The following GDI2 variants were observed in gnomAD, a reference collection of about 807,000 sequenced individuals.
The protein encoded by GDI2 is GDP dissociation inhibitor 2.
Under a neutral mutation model 54.2 loss-of-function variants are expected in GDI2, and 22 were observed. The ratio of observed to expected loss-of-function variants is 0.41; its 90% CI spans 0.29 to 0.58. The LOEUF is 0.58. GDI2 is among the 20% of genes least tolerant of loss of function. The probability of loss-of-function intolerance (pLI) is 0.35; values close to 1 mark genes in which losing one functional copy is unlikely to be tolerated. For missense variants in GDI2, 422 were observed against 546.0 expected, an observed-to-expected ratio of 0.77 and a Z score of 2.26; for synonymous variants, 177 against 182.1, an observed-to-expected ratio of 0.97 and a Z score of 0.23.
chr10:5,765,852 T>C lies in GDI2; in HGVS notation c.*154A>G. 2 of 565,320 alleles carry C rather than the reference T, an allele frequency of 3.5e-6. No individual in the cohort carries two copies. The highest frequency in any genetic ancestry group is 3.4e-5 in the Admixed American group (1 of 29,104). 35.0% of individuals were successfully genotyped at this position (565,320 alleles called of 1,614,324 possible). On this transcript the variant is annotated 3_prime_UTR_variant, in exon 11 of 11. Transcript: ENST00000380191. ...TAGCCACTCCATGAAAACAAGTTAA[T>C]AATTAGAAAGGTGAAGGGGAGTATT... is the stretch of plus-strand genomic sequence containing the variant.
rs1840402444 is a variant in GDI2, at chr10:5,768,146, G to T, written c.991+67C>A. 1 of 1,340,540 alleles carries T rather than the reference G, an allele frequency of 7.5e-7. No individual in the cohort carries two copies. The highest frequency in any genetic ancestry group is 1.1e-6 in the Non-Finnish European group (1 of 945,564). The allele number at this position is 1,340,540 out of a possible 1,614,324, so 83.0% of individuals were successfully genotyped here. On this transcript the variant is annotated intron_variant, in intron 8 of 10. Transcript: ENST00000380191. The surrounding 1 kb of genome is among the most constrained non-coding windows in gnomAD (Gnocchi z 4.4). ...TACAGCATACAAAATTAGGAATTTG[G>T]GATAAAACACAAAGCAAATTATATC...
chr10:5,809,256 A>AAAAAAAAAAACAG, intron 1 of GDI2, among the ~76,000 whole-genome samples: 1 of 150,764 alleles, frequency 6.6e-6, no homozygotes, highest in African/African-American at 2.4e-5. Context: ...AAAAAAAACA[A>AAAAAAAAAAACAG]AAAAAAAAAC....
At chr10:5,788,807 C>T (rs900762221) in intron 4 of GDI2, among the ~76,000 whole-genome samples, 1 of 151,958 alleles carries the variant, frequency 6.6e-6, no homozygotes, top group East Asian at 1.9e-4. Flanking sequence ...GTCGCCCAGG[C>T]TAGAGTGCGC....
At chr10:5,775,145 AGGCATGGT>A (rs1278715499) in intron 6 of GDI2, among the ~76,000 whole-genome samples, 2 of 152,174 alleles carry the variant, frequency 1.3e-5, no homozygotes, top group Admixed American at 6.5e-5. Context: ...AAAATTAACC[AGGCATGGT>A]GGCACTCATC....
intron 5 of GDI2, 128 bp from the exon 6 acceptor site, chr10:5,785,401 G>T: frequency 1.5e-6 from 1 of 682,206 alleles, no homozygotes; most frequent in Non-Finnish European, 2.5e-6. Context: ...TTGAGACAGG[G>T]TCTCACTCTG....
chr10:5,770,987 A>AAC (rs1840476417), intron 7 of GDI2, among the ~76,000 whole-genome samples: 3 of 145,358 alleles, frequency 2.1e-5, no homozygotes, highest in Admixed American at 7.0e-5. Flanking sequence ...AAAAAAAAAA[A>AAC]GATGGTAAAT....
intron 1 of GDI2, among the ~76,000 whole-genome samples, chr10:5,806,753 A>G (rs1410635532): frequency 2.0e-5 from 3 of 152,242 alleles, no homozygotes; most frequent in Non-Finnish European, 2.9e-5. Context: ...ATAGTTCCAC[A>G]TATGAAAATA....
intron 4 of GDI2, among the ~76,000 whole-genome samples, chr10:5,793,368 T>C (rs1029114474): frequency 2.0e-5 from 3 of 152,208 alleles, no homozygotes; most frequent in Non-Finnish European, 4.4e-5. Context: ...TAAATTTTCA[T>C]AGTCATTTAA....
At chr10:5,773,240 G>A (rs777363673) in intron 7 of GDI2, among the ~76,000 whole-genome samples, 4 of 152,178 alleles carry the variant, frequency 2.6e-5, no homozygotes, top group Non-Finnish European at 5.9e-5. Flanking sequence ...GAATTCCAGT[G>A]AGACAGTAAA....
At chr10:5,808,697 TAA>T (rs56672226) in intron 1 of GDI2, among the ~76,000 whole-genome samples, 25 of 86,242 alleles carry the variant, frequency 2.9e-4, no homozygotes, top group African/African-American at 6.7e-4. Context: ...TTGTTGTTAT[TAA>T]AAAAAAAAAA....
At chr10:5,777,215 G>A (rs747776163) in intron 6 of GDI2, among the ~76,000 whole-genome samples, 1 of 152,212 alleles carries the variant, frequency 6.6e-6, no homozygotes, top group Non-Finnish European at 1.5e-5. Flanking sequence ...GCTCATGCCT[G>A]TAATCCCAGC....
At chr10:5,797,608 G>C (rs145027213) in intron 2 of GDI2, among the ~76,000 whole-genome samples, 2 of 143,158 alleles carry the variant, frequency 1.4e-5, no homozygotes, top group Admixed American at 1.4e-4. Context: ...CCAGCTACTC[G>C]AGAGGCTGAG....
At chr10:5,790,336 A>T (rs563830379) in intron 4 of GDI2, among the ~76,000 whole-genome samples, 39 of 152,298 alleles carry the variant, frequency 2.6e-4, no homozygotes, top group South Asian at 1.2e-3. Flanking sequence ...GATTGTAAGA[A>T]CACAGTATAT....
chr10:5,780,519 A>C (rs1351355573), intron 6 of GDI2, among the ~76,000 whole-genome samples: 1 of 133,858 alleles, frequency 7.5e-6, no homozygotes, highest in Non-Finnish European at 1.7e-5. Context: ...ATTCTAAGAA[A>C]TATATAAAAC....
intron 3 of GDI2, among the ~76,000 whole-genome samples, chr10:5,795,816 G>C (rs1022787782): frequency 5.9e-5 from 9 of 151,998 alleles, no homozygotes; most frequent in Non-Finnish European, 1.0e-4. Context: ...AGGTGTGGTG[G>C]GACACTGAAG....
chr10:5,784,925 A>C (rs1351541094), intron 6 of GDI2, among the ~76,000 whole-genome samples: 1 of 152,208 alleles, frequency 6.6e-6, no homozygotes, highest in Middle Eastern at 3.2e-3. Context: ...AGGAGTTGGC[A>C]CTTACAAGAG....
chr10:5,778,416 T>C (rs11594505), intron 6 of GDI2, among the ~76,000 whole-genome samples: 14,206 of 152,332 alleles, frequency 0.093, 782 homozygotes, highest in East Asian at 0.15. Context: ...ATTGACTATA[T>C]GCATTTTGTT....
intron 1 of GDI2, among the ~76,000 whole-genome samples, chr10:5,802,089 GA>G (rs1414991294): frequency 6.6e-6 from 1 of 152,168 alleles, no homozygotes; most frequent in African/African-American, 2.4e-5. Flanking sequence ...AAAATGGGAA[GA>G]ATACAGACAG....
intron 4 of GDI2, among the ~76,000 whole-genome samples, chr10:5,788,044 A>G (rs1324539453): frequency 6.6e-6 from 1 of 152,204 alleles, no homozygotes; most frequent in African/African-American, 2.4e-5. Context: ...GTTGCTATGC[A>G]TGGCGCCAAA....
Sources: allele counts gnomAD v4.1 joint callset (sites outside exome capture counted in the v4.1 genomes callset), GRCh38; gene constraint gnomAD v4.1.1; non-coding constraint Gnocchi (gnomAD v3.1); transcripts MANE v1.5; gene names NCBI Gene and HGNC (gene_info 2026-07-23, HGNC 2026-07-21).